DPY19L3: variants seen among roughly 807,000 people sequenced by gnomAD.
The protein encoded by DPY19L3 is dpy-19 like C-mannosyltransferase 3, also known as protein C-mannosyl-transferase DPY19L3.
DPY19L3 carries 51 observed loss-of-function variants against 92.3 expected under a neutral mutation model. The observed-to-expected ratio is 0.55, with a 90% CI of 0.44 to 0.70. The LOEUF (loss-of-function observed/expected upper bound fraction) is 0.70. DPY19L3 is among the 30% of genes least tolerant of loss of function. The probability of loss-of-function intolerance (pLI) is 0.00; values close to 1 mark genes in which losing one functional copy is unlikely to be tolerated. For missense variants in DPY19L3, 706 were observed against 855.9 expected (o/e 0.82, Z 2.18); for synonymous variants, 309 against 315.2 (o/e 0.98, Z 0.21).
chr19:32,476,403 A>G (rs977081676), intron 16 of DPY19L3, among the ~76,000 whole-genome samples: 1 of 152,024 alleles, frequency 6.6e-6, no homozygotes, highest in Non-Finnish European at 1.5e-5. Flanking sequence ...GGATAAACGC[A>G]GCCCGCAGTG....
chr19:32,467,018 G>C (rs191686366), intron 15 of DPY19L3, among the ~76,000 whole-genome samples: 1 of 152,164 alleles, frequency 6.6e-6, no homozygotes, highest in Admixed American at 6.5e-5. Flanking sequence ...AAAATTTCTT[G>C]TTCATACTAC....
intron 3 of DPY19L3, among the ~76,000 whole-genome samples, chr19:32,424,189 G>T (rs948004707): frequency 2.0e-5 from 3 of 151,822 alleles, no homozygotes; most frequent in African/African-American, 7.3e-5. Flanking sequence ...GTGTGGTAGT[G>T]TGCACCTGCA....
rs564700313 is a variant in DPY19L3, at chr19:32,445,611, A to C, written c.855+5701A>C. Reference sequence around the variant, plus strand: ...GTTGTTGAAACAGAAAGGAAATGATAAGGAATTTAAGAGCATCAGAAAGGA... The same window carrying C: ...GTTGTTGAAACAGAAAGGAAATGATCAGGAATTTAAGAGCATCAGAAAGGA... On this transcript the variant is annotated intron_variant, in intron 8 of 18. Transcript: ENST00000392250. Among the ~76,000 whole-genome samples, 5 of 152,266 alleles carry C rather than the reference A, an allele frequency of 3.3e-5. No homozygotes were observed. The South Asian group carries it at 1.0e-3, about 32-fold the overall frequency.
At chr19:32,448,621 T>C (rs1003621582) in intron 8 of DPY19L3, among the ~76,000 whole-genome samples, 6 of 152,330 alleles carry the variant, frequency 3.9e-5, no homozygotes, top group Non-Finnish European at 7.4e-5. Flanking sequence ...ACTTACTGTT[T>C]ATTAAGTGGA....
chr19:32,480,214 C>T (rs556728166), intron 17 of DPY19L3, among the ~76,000 whole-genome samples, 185 bp from the exon 18 acceptor site: 3 of 152,300 alleles, frequency 2.0e-5, no homozygotes, highest in South Asian at 4.1e-4. Context: ...GCACTCACAG[C>T]GTTCTGGGAA....
Position 32,454,922 on chromosome 19 carries a change from ACT to A in DPY19L3, c.988-14_988-13del, listed in dbSNP as rs774061034. On this transcript the variant is annotated splice_polypyrimidine_tract_variant and intron_variant, in intron 9 of 18. Coordinates refer to ENST00000392250, the MANE Select transcript of DPY19L3 (RefSeq NM_001172774.2). ...ATTAAAACTTAAGAATTAAAACATA[ACT>A]CTTTTAATTTCTAGAAAAATCTGAA... 2.1e-6 allele frequency: 3 copies of A among 1,441,432 alleles called. No homozygotes were observed. The highest frequency in any genetic ancestry group is 2.3e-5 in the East Asian group (1 of 42,664). 89.3% of individuals were successfully genotyped at this position (1,441,432 alleles called of 1,614,324 possible).
intron 3 of DPY19L3, chr19:32,412,765 A>C (rs899726447): frequency 6.6e-6 from 1 of 152,108 alleles, no homozygotes; most frequent in Non-Finnish European, 1.5e-5. Context: ...CCCTATCTCT[A>C]CTAAAAATAC....
At position 32,408,287 on chromosome 19, in the gene DPY19L3, G is replaced by C. The variant is rs955837127; in HGVS notation, c.34G>C (p.Ala12Pro). The C allele has an allele frequency of 1.1e-5, 18 of 1,613,618 alleles. No homozygotes were observed. The highest frequency in any genetic ancestry group is 1.5e-5 in the Non-Finnish European group (18 of 1,179,972). ...CATCCGGCAAAGAAGAGAAATAAGA[G>C]CCACAGAAGTTTCTGAAGACTTTCC... ...MSIRQRREIR[A>P]TEVSEDFPAQ... The change falls in exon 2 of 19, where the codon GCC becomes CCC. Residue 12 changes from alanine to proline, a missense_variant. Coordinates refer to ENST00000392250, the MANE Select transcript of DPY19L3 (RefSeq NM_001172774.2).
chr19:32,417,352 C>G (rs1316609222), intron 3 of DPY19L3, among the ~76,000 whole-genome samples: 3 of 152,216 alleles, frequency 2.0e-5, no homozygotes, highest in Non-Finnish European at 1.5e-5. Flanking sequence ...CGGAGTCTCG[C>G]TCTGTCGTCC....
chr19:32,458,216 A>G (rs765276964), intron 11 of DPY19L3, 43 bp downstream of exon 11: 11 of 1,596,096 alleles, frequency 6.9e-6, no homozygotes, highest in Non-Finnish European at 9.4e-6. Flanking sequence ...TTTCTATTGA[A>G]TCAGCAGGGA....
intron 12 of DPY19L3, among the ~76,000 whole-genome samples, chr19:32,460,598 A>C (rs1039041196): frequency 6.6e-6 from 1 of 152,156 alleles, no homozygotes; most frequent in Non-Finnish European, 1.5e-5. Flanking sequence ...CAGTAAATCT[A>C]TTTAAAAAAC....
intron 3 of DPY19L3, among the ~76,000 whole-genome samples, chr19:32,417,224 G>C (rs1968407461): frequency 6.6e-6 from 1 of 152,204 alleles, no homozygotes; most frequent in Non-Finnish European, 1.5e-5. Flanking sequence ...ATTCCCACAT[G>C]TTGTGGGAGG....
chr19:32,447,811 A>AT lies in DPY19L3; in HGVS notation c.856-5333dup, dbSNP rs1221153483. 6.8e-4 allele frequency among the ~76,000 whole-genome samples: 75 copies of AT among 110,654 alleles called. 1 individual carries two copies. 72.6% of individuals were successfully genotyped at this position (110,654 alleles called of 152,430 possible). A position where few individuals can be genotyped will look rare whatever the true frequency, so the allele number is the denominator to read the frequency against. On this transcript the variant is annotated intron_variant, in intron 8 of 18. Transcript: ENST00000392250. ...GATACTCCATCTCATTCATAGATAG[A>AT]TAGATTAGATAGATAGATAGATAGA...
intron 10 of DPY19L3, among the ~76,000 whole-genome samples, chr19:32,457,065 A>C (rs1175553710): frequency 6.6e-6 from 1 of 152,166 alleles, no homozygotes; most frequent in Non-Finnish European, 1.5e-5. Flanking sequence ...AAAGATACAC[A>C]GTTCTTGCAT....
At chr19:32,460,800 A>G (rs548024505) in intron 12 of DPY19L3, among the ~76,000 whole-genome samples, 63 of 152,196 alleles carry the variant, frequency 4.1e-4, no homozygotes, top group Non-Finnish European at 8.4e-4. Context: ...CCAAGTATTT[A>G]AAGTATTTCT....
At chr19:32,426,260 G>C (rs1968760208) in intron 3 of DPY19L3, among the ~76,000 whole-genome samples, 1 of 152,192 alleles carries the variant, frequency 6.6e-6, no homozygotes, top group Non-Finnish European at 1.5e-5. Context: ...TTAGGCGTTG[G>C]CTTAAGAGAA....
intron 3 of DPY19L3, among the ~76,000 whole-genome samples, chr19:32,430,741 C>T (rs1255046569): frequency 1.3e-5 from 2 of 151,566 alleles, no homozygotes; most frequent in Non-Finnish European, 2.9e-5. Flanking sequence ...CCCCCTTCCT[C>T]AACCTCCCCA....
intron 3 of DPY19L3, among the ~76,000 whole-genome samples, chr19:32,419,422 A>G (rs1259509614): frequency 6.6e-6 from 1 of 151,658 alleles, no homozygotes; most frequent in Non-Finnish European, 1.5e-5. Context: ...CGGCCTCCCA[A>G]AGTGCAGGGA....
rs561908215 is a variant in DPY19L3, at chr19:32,417,615, G to A, written c.237+6243G>A. ...ATTACAGGTGTGAGCTACCACGCCTGGCCAGATCTGATGGTTTTATAGAGG... is the reference window on the plus strand; with the variant it reads ...ATTACAGGTGTGAGCTACCACGCCTAGCCAGATCTGATGGTTTTATAGAGG... On this transcript the variant is annotated intron_variant, in intron 3 of 18. Transcript: ENST00000392250. Among the ~76,000 whole-genome samples, 4 of 152,248 alleles carry A rather than the reference G, an allele frequency of 2.6e-5. No individual in the cohort carries two copies. In the South Asian group the frequency reaches 8.3e-4, roughly 32 times the overall value.
Sources: allele counts gnomAD v4.1 joint callset (sites outside exome capture counted in the v4.1 genomes callset), GRCh38; gene constraint gnomAD v4.1.1; transcripts MANE v1.5; gene names NCBI Gene and HGNC (gene_info 2026-07-23, HGNC 2026-07-21).